The following LDB3 variants were observed in gnomAD, a reference collection of about 807,000 sequenced individuals.
LDB3 encodes LIM domain binding 3.
LDB3 carries 49 observed loss-of-function variants against 69.0 expected under a neutral mutation model. The observed-to-expected ratio is 0.71, with a 90% CI of 0.56 to 0.90. LDB3 has a LOEUF of 0.90. LDB3 is among the 40% of genes least tolerant of loss of function. The probability of loss-of-function intolerance (pLI) is 0.00; values close to 1 mark genes in which losing one functional copy is unlikely to be tolerated. For missense variants in LDB3, 928 were observed against 974.1 expected (o/e 0.95, Z 0.63); for synonymous variants, 387 against 396.2 (o/e 0.98, Z 0.28).
At chr10:86,732,539 T>C (rs931301502) in intron 13 of LDB3, 9 of 459,002 alleles carry the variant, frequency 2.0e-5, no homozygotes, top group Non-Finnish European at 3.5e-5. Context: ...TCTTGCTATG[T>C]TGCCCAGGCT....
At position 86,716,533 on chromosome 10, in the gene LDB3, G is replaced by A. The variant is rs777364128; in HGVS notation, c.1438G>A (p.Gly480Ser). ...TGCACCCTCGGTGGCCTACAGCGGGGGCCCTGCGGAGCCTGCCAGCCGTCC... is the reference window on the plus strand; with the variant it reads ...TGCACCCTCGGTGGCCTACAGCGGGAGCCCTGCGGAGCCTGCCAGCCGTCC... Reference protein sequence around the residue: ...NPAPSVAYSGGPAEPASRPPW... With the variant: ...NPAPSVAYSGSPAEPASRPPW... Residue 480 changes from glycine (G) to serine (S), a missense_variant, in exon 10 of 14, where the codon GGC becomes AGC. Coordinates refer to ENST00000361373, the MANE Select transcript of LDB3 (RefSeq NM_007078.3). The A allele has an allele frequency of 6.2e-6, 10 of 1,612,960 alleles. No homozygotes were observed. The South Asian group carries it at 8.8e-5, about 14-fold the overall frequency.
At chr10:86,669,246 G>A (rs941331569) in intron 2 of LDB3, among the ~76,000 whole-genome samples, 3 of 152,176 alleles carry the variant, frequency 2.0e-5, no homozygotes, top group African/African-American at 7.2e-5. Flanking sequence ...GTTGACCTTG[G>A]CTGCCCAGCT....
chr10:86,667,819 G>C (rs913676431), upstream of LDB3, among the ~76,000 whole-genome samples: 1 of 152,230 alleles, frequency 6.6e-6, no homozygotes, highest in African/African-American at 2.4e-5. Flanking sequence ...AGCTGCCCAG[G>C]ACCAGGGCTT....
chr10:86,685,949 C>G (rs1845444738), intron 5 of LDB3, among the ~76,000 whole-genome samples: 1 of 152,028 alleles, frequency 6.6e-6, no homozygotes, highest in Admixed American at 6.5e-5. Context: ...GCAGCAGCTG[C>G]TTAAGATGTG....
intron 7 of LDB3, among the ~76,000 whole-genome samples, chr10:86,694,821 C>T (rs1845930943): frequency 1.3e-5 from 2 of 152,208 alleles, no homozygotes; most frequent in African/African-American, 4.8e-5. Flanking sequence ...CCTTGTCCCA[C>T]CCTGGTCCAG....
chr10:86,694,826 G>C (rs1845931332), intron 7 of LDB3, among the ~76,000 whole-genome samples: 1 of 152,158 alleles, frequency 6.6e-6, no homozygotes, highest in South Asian at 2.1e-4. Context: ...TCCCACCCTG[G>C]TCCAGGCTGG....
At chr10:86,732,348 A>AAATTT (rs1445968672) in intron 13 of LDB3, 2 of 361,426 alleles carry the variant, frequency 5.5e-6, no homozygotes, top group African/African-American at 4.3e-5. Flanking sequence ...CTATTCCATT[A>AAATTT]AATTTAATTA....
intron 5 of LDB3, among the ~76,000 whole-genome samples, chr10:86,690,705 G>A (rs1426921187): frequency 6.6e-6 from 1 of 152,244 alleles, no homozygotes; most frequent in African/African-American, 2.4e-5. Flanking sequence ...TGGGGAAAAG[G>A]GAGAGGCAGG....
upstream of LDB3, among the ~76,000 whole-genome samples, chr10:86,668,016 T>A (rs1158446293): frequency 2.6e-5 from 4 of 152,188 alleles, no homozygotes; most frequent in Non-Finnish European, 5.9e-5. Flanking sequence ...GAAGGGCCCA[T>A]ACTGAGGTTG....
intron 13 of LDB3, among the ~76,000 whole-genome samples, chr10:86,730,025 C>T (rs552599299): frequency 7.6e-4 from 116 of 152,284 alleles, no homozygotes; most frequent in African/African-American, 2.5e-3. Flanking sequence ...GGCCTCCACA[C>T]GAGCCTGGTT....
At chr10:86,722,559 CTTTTTTTTTTTT>C (rs1181539611) in intron 12 of LDB3, among the ~76,000 whole-genome samples, 11 of 55,226 alleles carry the variant, frequency 2.0e-4, no homozygotes, top group East Asian at 8.1e-4. Flanking sequence ...CGTGCCTGGC[CTTTTTTTTTTTT>C]TTTTTTTTTT....
At chr10:86,684,409 C>T (rs564897675) in intron 5 of LDB3, among the ~76,000 whole-genome samples, 3 of 152,366 alleles carry the variant, frequency 2.0e-5, no homozygotes, top group East Asian at 3.8e-4. Flanking sequence ...GCCCCCACCC[C>T]GCCAGGCCAA....
At chr10:86,708,222 G>T (rs1385516485) in intron 8 of LDB3, among the ~76,000 whole-genome samples, 3 of 152,252 alleles carry the variant, frequency 2.0e-5, no homozygotes, top group Non-Finnish European at 2.9e-5. Flanking sequence ...CCTGGGTGGA[G>T]CTTGGAGAGG....
intron 10 of LDB3, 71 bp downstream of exon 10, chr10:86,716,842 G>A: frequency 6.6e-7 from 1 of 1,504,460 alleles, no homozygotes; most frequent in South Asian, 1.2e-5. Flanking sequence ...CCCACAGTCT[G>A]AGCCCTGGTT....
chr10:86,716,592 G>T lies in LDB3; in HGVS notation c.1497G>T (p.Lys499Asn), dbSNP rs1278770988. 3.1e-6 allele frequency: 5 copies of T among 1,613,718 alleles called. No individual in the cohort carries two copies. In the Admixed American group the frequency reaches 6.7e-5, roughly 22 times the overall value. Residue 499 changes from lysine to asparagine, a missense_variant, in exon 10 of 14, where the codon AAG becomes AAT. Transcript: ENST00000361373. ...TGACAGATGATAGCTTCTCCCAGAAGTTTGCCCCGGGCAAGAGCACCACCT... is the reference window on the plus strand; with the variant it reads ...TGACAGATGATAGCTTCTCCCAGAATTTTGCCCCGGGCAAGAGCACCACCT... ...PWVTDDSFSQ[K>N]FAPGKSTTSI...
chr10:86,684,438 G>A (rs930108240), intron 5 of LDB3, among the ~76,000 whole-genome samples: 1 of 152,254 alleles, frequency 6.6e-6, no homozygotes, highest in African/African-American at 2.4e-5. Context: ...TCTGCAGGGG[G>A]CCCTGGGCTG....
intron 7 of LDB3, among the ~76,000 whole-genome samples, chr10:86,694,823 C>G (rs1280559648): frequency 1.3e-5 from 2 of 152,346 alleles, no homozygotes; most frequent in Middle Eastern, 3.4e-3. Flanking sequence ...TTGTCCCACC[C>G]TGGTCCAGGC....
intron 2 of LDB3, among the ~76,000 whole-genome samples, chr10:86,678,991 G>A (rs964427480): frequency 1.2e-4 from 19 of 152,154 alleles, no homozygotes; most frequent in African/African-American, 4.6e-4. Flanking sequence ...TTCATGCAAC[G>A]TCCAATACAG....
intron 8 of LDB3, among the ~76,000 whole-genome samples, chr10:86,708,575 G>A (rs959662400): frequency 6.6e-6 from 1 of 152,164 alleles, no homozygotes; most frequent in African/African-American, 2.4e-5. Context: ...GGCACCCCTT[G>A]GACACTGTCT....
Sources: allele counts gnomAD v4.1 joint callset (sites outside exome capture counted in the v4.1 genomes callset), GRCh38; gene constraint gnomAD v4.1.1; transcripts MANE v1.5; gene names NCBI Gene and HGNC (gene_info 2026-07-23, HGNC 2026-07-21).